The following NFYC variants were observed in gnomAD, a reference collection of about 807,000 sequenced individuals.
The protein encoded by NFYC is CAAT box DNA-binding protein subunit C.
In NFYC, 25 loss-of-function variants were observed where a neutral mutation model predicts 53.1. The ratio of observed to expected loss-of-function variants is 0.47; its 90% CI spans 0.34 to 0.66. The LOEUF is 0.66. NFYC is among the 30% of genes least tolerant of loss of function. The probability of loss-of-function intolerance (pLI) is 0.01; values close to 1 mark genes in which losing one functional copy is unlikely to be tolerated. For synonymous variants in NFYC, 145 were observed against 152.6 expected (o/e 0.95, Z 0.37); for missense variants, 260 against 422.7 (o/e 0.62, Z 3.38).
At chr1:40,728,174 A>G (rs1644606704) in intron 1 of NFYC, among the ~76,000 whole-genome samples, 2 of 152,162 alleles carry the variant, frequency 1.3e-5, no homozygotes, top group Non-Finnish European at 2.9e-5. Context: ...TTGGCCTCCC[A>G]AAGTGCTGGG....
chr1:40,750,020 C>G (rs1313724882), intron 4 of NFYC, among the ~76,000 whole-genome samples: 2 of 152,222 alleles, frequency 1.3e-5, no homozygotes. Flanking sequence ...GAGTATTTAC[C>G]TGTTTCCAAA....
intron 1 of NFYC, among the ~76,000 whole-genome samples, chr1:40,711,921 T>C (rs2148455474): frequency 6.6e-6 from 1 of 152,314 alleles, no homozygotes; most frequent in Middle Eastern, 3.4e-3. Context: ...CCACTCACCT[T>C]TATCACCAGC....
In NFYC at chr1:40,749,596, A is replaced by C; in HGVS notation, c.201A>C (p.Val67=). ...AGATGATCAGTGCAGAAGCGCCTGT[A>C]CTCTTTGCCAAGGCAGCCCAGATTT... The part of the protein sequence containing the change: ...DVKMISAEAP[V]LFAKAAQIFI... The change falls in exon 4 of 10, where the codon GTA becomes GTC. Residue 67 remains valine, a synonymous_variant. Transcript: ENST00000447388. The C allele has an allele frequency of 3.7e-6, 6 of 1,613,946 alleles. No homozygotes were observed. In the South Asian group the frequency reaches 5.5e-5, roughly 15 times the overall value.
intron 1 of NFYC, among the ~76,000 whole-genome samples, chr1:40,699,127 A>G (rs768424863): frequency 4.6e-5 from 7 of 152,012 alleles, no homozygotes; most frequent in African/African-American, 9.7e-5. Context: ...TCGCGCCTCT[A>G]TTGCACTCCA....
Position 40,700,043 on chromosome 1 carries a change from C to A in NFYC, c.-9+8176C>A, listed in dbSNP as rs186394474. Among the ~76,000 whole-genome samples the A allele has an allele frequency of 5.7e-4, 86 of 152,094 alleles. 2 individuals are homozygous for A. In the East Asian group the frequency reaches 0.01, roughly 18 times the overall value. ...TGCTATGACTGGTGTGTAGTGGAGC[C>A]CAGTTGAGCAGTTCTGGTGTAGTCT... On this transcript the variant is annotated intron_variant, in intron 1 of 9. Transcript: ENST00000447388.
At chr1:40,719,698 G>A (rs1644264927) in intron 1 of NFYC, among the ~76,000 whole-genome samples, 1 of 152,150 alleles carries the variant, frequency 6.6e-6, no homozygotes, top group African/African-American at 2.4e-5. Flanking sequence ...AAGGCCTGGT[G>A]GATTTGTGTT....
intron 1 of NFYC, among the ~76,000 whole-genome samples, chr1:40,693,289 A>G (rs1642941800): frequency 6.6e-6 from 1 of 152,132 alleles, no homozygotes; most frequent in South Asian, 2.1e-4. Flanking sequence ...TGTTGGGAAT[A>G]TGTTCTTTTC....
chr1:40,730,194 T>C lies in NFYC; in HGVS notation c.-8-8642T>C, dbSNP rs989027971. Among the ~76,000 whole-genome samples, 58 of 138,822 alleles carry C rather than the reference T, an allele frequency of 4.2e-4. 1 individual carries two copies. The highest frequency in any genetic ancestry group is 9.3e-5 in the Non-Finnish European group (6 of 64,858). 91.1% of individuals were successfully genotyped at this position (138,822 alleles called of 152,430 possible). On this transcript the variant is annotated intron_variant, in intron 1 of 9. Coordinates refer to ENST00000447388, the MANE Select transcript of NFYC (RefSeq NM_014223.5). ...AGGACTGGCTAATTTTTCTTTCTTT[T>C]CTTTTTTTTTTTTTTTTTTTTTTGG...
chr1:40,738,014 T>C (rs1354901547), intron 1 of NFYC, among the ~76,000 whole-genome samples: 9 of 150,336 alleles, frequency 6.0e-5, no homozygotes, highest in African/African-American at 2.2e-4. Flanking sequence ...GCCATTCTCC[T>C]GCCTCAGCCT....
chr1:40,712,712 C>T (rs1224837164), intron 1 of NFYC: 1 of 117,370 alleles, frequency 8.5e-6, no homozygotes, highest in East Asian at 2.8e-4. Context: ...GTTGCCAAGG[C>T]TGGTGTGCCA....
intron 1 of NFYC, among the ~76,000 whole-genome samples, chr1:40,702,634 AC>A (rs1248884373): frequency 6.6e-6 from 1 of 151,596 alleles, no homozygotes; most frequent in African/African-American, 2.4e-5. Flanking sequence ...GAACCACCGC[AC>A]CCGGCCTATC....
At position 40,770,199 on chromosome 1, in the gene NFYC, A is replaced by T. The variant is rs1647018320; in HGVS notation, c.889-510A>T. 1 of 614,786 alleles carries T rather than the reference A, an allele frequency of 1.6e-6. No homozygotes were observed. The highest frequency in any genetic ancestry group is 2.1e-5 in the South Asian group (1 of 48,050). The allele number at this position is 614,786 out of a possible 1,614,324, so 38.1% of individuals were successfully genotyped here. ...TCTTGGCTATAGTTAAGTGTTTAATACCAGGCCACCTCCTTAGCAGGGTCC... is the reference window on the plus strand; with the variant it reads ...TCTTGGCTATAGTTAAGTGTTTAATTCCAGGCCACCTCCTTAGCAGGGTCC... On this transcript the variant is annotated intron_variant, in intron 9 of 9. Transcript: ENST00000447388. The surrounding 1 kb of genome is among the most constrained non-coding windows in gnomAD (Gnocchi z 5.3).
intron 1 of NFYC, among the ~76,000 whole-genome samples, chr1:40,698,150 G>C (rs968495959): frequency 6.6e-6 from 1 of 152,154 alleles, no homozygotes; most frequent in Non-Finnish European, 1.5e-5. Flanking sequence ...ATCACCTGAA[G>C]TCAAGAGTTT....
At chr1:40,691,906 G>A (rs1248806034) in intron 1 of NFYC, 39 bp downstream of exon 1, 2 of 348,140 alleles carry the variant, frequency 5.7e-6, no homozygotes, top group Admixed American at 7.8e-5. Flanking sequence ...GAGGGTGATA[G>A]GGAAGCGGCG....
intron 5 of NFYC, chr1:40,754,372 G>T: frequency 1.9e-6 from 1 of 534,478 alleles, no homozygotes; most frequent in South Asian, 1.4e-5. Flanking sequence ...CTTTGCTACT[G>T]TAAACATCCT....
chr1:40,730,655 G>A (rs1182667370), intron 1 of NFYC: 76 of 959,566 alleles, frequency 7.9e-5, no homozygotes, highest in Non-Finnish European at 9.2e-5. Context: ...TTAAGTTGGA[G>A]ATGCACAGGA....
chr1:40,732,885 A>C (rs1443175518), intron 1 of NFYC, among the ~76,000 whole-genome samples: 3 of 151,784 alleles, frequency 2.0e-5, no homozygotes, highest in African/African-American at 7.3e-5. Flanking sequence ...TAGATTTCTG[A>C]TTGCAGTCTT....
At chr1:40,695,072 G>T (rs1490469801) in intron 1 of NFYC, among the ~76,000 whole-genome samples, 2 of 151,982 alleles carry the variant, frequency 1.3e-5, no homozygotes, top group Non-Finnish European at 2.9e-5. Flanking sequence ...CACACATGAT[G>T]AAACAAAATT....
chr1:40,714,480 T>C (rs1644048827), intron 1 of NFYC, among the ~76,000 whole-genome samples: 4 of 152,252 alleles, frequency 2.6e-5, no homozygotes, highest in Non-Finnish European at 5.9e-5. Flanking sequence ...ACAAAAGTTA[T>C]AGTCCATTGA....
Sources: allele counts gnomAD v4.1 joint callset (sites outside exome capture counted in the v4.1 genomes callset), GRCh38; gene constraint gnomAD v4.1.1; non-coding constraint Gnocchi (gnomAD v3.1); transcripts MANE v1.5; gene names NCBI Gene and HGNC (gene_info 2026-07-23, HGNC 2026-07-21).